SLC30A8: variants seen among roughly 807,000 people sequenced by gnomAD.
SLC30A8 encodes the protein solute carrier family 30 member 8.
In SLC30A8, 27 loss-of-function variants were observed where a neutral mutation model predicts 36.9. The ratio of observed to expected loss-of-function variants is 0.73; its 90% CI spans 0.54 to 1.01. The LOEUF (loss-of-function observed/expected upper bound fraction) is 1.01. Ranked by LOEUF, SLC30A8 falls within the 50% of genes least tolerant of loss-of-function variation. SLC30A8 has a pLI of 0.00. For missense variants in SLC30A8, 439 were observed against 452.0 expected, an observed-to-expected ratio of 0.97 and a Z score of 0.26; for synonymous variants, 164 against 172.4, an observed-to-expected ratio of 0.95 and a Z score of 0.38.
chr8:116,958,341 ATT>A lies in SLC30A8; in HGVS notation c.-266+7233_-266+7234del, dbSNP rs11296037. Among the ~76,000 whole-genome samples, 444 of 147,366 alleles carry A rather than the reference ATT, an allele frequency of 3.0e-3. 2 individuals carry two copies. The East Asian group carries it at 0.032, about 10-fold the overall frequency. The stretch of plus-strand genomic sequence containing the variant: ...TAATGCCTGAATTATTTCCTTTAAC[ATT>A]TTTTTTTTTTGTAGTGCAGGTAAGC... On this transcript the variant is annotated intron_variant, in intron 1 of 10. Transcript: ENST00000427715.
At chr8:117,029,175 A>G (rs1329759838) in intron 1 of SLC30A8, among the ~76,000 whole-genome samples, 1 of 152,202 alleles carries the variant, frequency 6.6e-6, no homozygotes, top group Non-Finnish European at 1.5e-5. Context: ...GGATTACTCA[A>G]TAATTCCTCC....
At chr8:117,149,317 T>C (rs1266435909) in intron 2 of SLC30A8, among the ~76,000 whole-genome samples, 1 of 152,210 alleles carries the variant, frequency 6.6e-6, no homozygotes, top group Non-Finnish European at 1.5e-5. Context: ...CATGATATGA[T>C]CTTTGCATTT....
At chr8:117,072,837 CT>C (rs59816392) in intron 2 of SLC30A8, among the ~76,000 whole-genome samples, 21,044 of 139,612 alleles carry the variant, frequency 0.15, 1,457 homozygotes, top group East Asian at 0.19. Flanking sequence ...AATCCTACTA[CT>C]TTTTTTTTTT....
In SLC30A8 at chr8:117,153,089, A is replaced by G. The variant is rs1011034538; in HGVS notation, c.417A>G (p.Ala139=). ...SKRLTFGWHR[A]EILGALLSIL... The stretch of plus-strand genomic sequence containing the variant: ...GGCTGACATTTGGATGGCACCGAGC[A>G]GGTACGGTTCATAGAGTGAGCAATA... The change falls in exon 3 of 8, where the codon GCA becomes GCG. Residue 139 remains alanine (A), a splice_region_variant and synonymous_variant. Coordinates refer to ENST00000456015, the MANE Select transcript of SLC30A8 (RefSeq NM_173851.3). 6.2e-7 allele frequency: 1 copy of G among 1,605,776 alleles called. No individual in the cohort carries two copies. Among genetic ancestry groups the G allele is most frequent in the Non-Finnish European group, 8.5e-7 (1 of 1,174,828 alleles).
upstream of SLC30A8, among the ~76,000 whole-genome samples, chr8:117,132,107 C>T (rs1311027370): frequency 6.6e-6 from 1 of 152,006 alleles, no homozygotes; most frequent in Non-Finnish European, 1.5e-5. Context: ...AAGATGGTTG[C>T]ATGCACACAT....
chr8:117,087,489 G>T (rs1292196537), intron 2 of SLC30A8, among the ~76,000 whole-genome samples: 1 of 152,046 alleles, frequency 6.6e-6, no homozygotes, highest in Non-Finnish European at 1.5e-5. Context: ...AGCAATTCTA[G>T]CTAAGCCTGT....
At chr8:116,960,769 T>A (rs1410134154) in intron 1 of SLC30A8, among the ~76,000 whole-genome samples, 1 of 152,212 alleles carries the variant, frequency 6.6e-6, no homozygotes, top group Non-Finnish European at 1.5e-5. Context: ...CTAGAATAAT[T>A]GAAGCAATCA....
At chr8:117,024,422 A>G (rs1816807664) in intron 1 of SLC30A8, among the ~76,000 whole-genome samples, 1 of 152,162 alleles carries the variant, frequency 6.6e-6, no homozygotes, top group Non-Finnish European at 1.5e-5. Context: ...AAAGCCTTCC[A>G]TGGTCTCTTT....
At chr8:117,170,929 A>T in intron 6 of SLC30A8, 105 bp from the exon 7 acceptor site, 1 of 925,198 alleles carries the variant, frequency 1.1e-6, no homozygotes, top group Non-Finnish European at 1.6e-6. Flanking sequence ...CAGCAAAGGG[A>T]TGAACACATT....
intron 4 of SLC30A8, among the ~76,000 whole-genome samples, chr8:117,161,382 A>G (rs924586670): frequency 1.4e-5 from 2 of 140,842 alleles, no homozygotes; most frequent in African/African-American, 6.0e-5. Flanking sequence ...ACTTTAAGCC[A>G]GCTTGGTGCC....
intron 1 of SLC30A8, among the ~76,000 whole-genome samples, chr8:117,030,064 C>T (rs1382815811): frequency 6.6e-6 from 1 of 152,000 alleles, no homozygotes. Flanking sequence ...AGGAAATTCC[C>T]TGCAGATTAC....
intron 1 of SLC30A8, among the ~76,000 whole-genome samples, chr8:116,974,045 G>A (rs1433998804): frequency 2.6e-5 from 4 of 152,118 alleles, no homozygotes; most frequent in Admixed American, 6.5e-5. Context: ...AATTCAAGAT[G>A]GATGAAAGAC....
intron 2 of SLC30A8, among the ~76,000 whole-genome samples, chr8:117,075,910 C>T (rs1586473582): frequency 6.6e-6 from 1 of 152,126 alleles, no homozygotes; most frequent in African/African-American, 2.4e-5. Context: ...CATCTTCCAG[C>T]CTTTCGGACT....
chr8:117,133,097 C>T (rs945790675), upstream of SLC30A8, among the ~76,000 whole-genome samples: 9 of 151,890 alleles, frequency 5.9e-5, no homozygotes, highest in Admixed American at 2.6e-4. Flanking sequence ...TTTTAGGTAT[C>T]TATATATGTG....
chr8:117,147,845 ATATT>A (rs1220305770), intron 2 of SLC30A8, among the ~76,000 whole-genome samples: 1 of 152,052 alleles, frequency 6.6e-6, no homozygotes, highest in East Asian at 1.9e-4. Flanking sequence ...TTTTATTTTA[ATATT>A]TATTTCTTTA....
At chr8:117,121,586 T>C (rs912261133) in intron 2 of SLC30A8, among the ~76,000 whole-genome samples, 1 of 151,928 alleles carries the variant, frequency 6.6e-6, no homozygotes, top group African/African-American at 2.4e-5. Context: ...ATGAACTGAA[T>C]CACCTCCCAA....
At chr8:117,067,272 TA>T (rs1205921833) in intron 2 of SLC30A8, among the ~76,000 whole-genome samples, 3 of 152,006 alleles carry the variant, frequency 2.0e-5, no homozygotes, top group Non-Finnish European at 4.4e-5. Flanking sequence ...AGCCAAACCA[TA>T]ACATTGACTC....
intron 1 of SLC30A8, among the ~76,000 whole-genome samples, chr8:117,020,732 A>T (rs1449131408): frequency 6.6e-6 from 1 of 152,196 alleles, no homozygotes; most frequent in East Asian, 1.9e-4. Context: ...TTGGAGAGAT[A>T]TTGGTATTGT....
chr8:117,057,483 T>G (rs779750985), intron 2 of SLC30A8, among the ~76,000 whole-genome samples: 4 of 152,082 alleles, frequency 2.6e-5, no homozygotes, highest in Non-Finnish European at 5.9e-5. Context: ...AAGAATTTAT[T>G]CATCTTATAA....
Sources: gnomAD v4.1 joint callset for allele counts (sites outside exome capture counted in the v4.1 genomes callset) on GRCh38, gnomAD v4.1.1 for gene constraint, MANE v1.5 for transcripts, NCBI Gene and HGNC (gene_info 2026-07-23, HGNC 2026-07-21) for gene names.